SLC24A2: variants seen among roughly 807,000 people sequenced by gnomAD.
The protein encoded by SLC24A2 is solute carrier family 24 member 2.
Under a neutral mutation model 62.0 loss-of-function variants are expected in SLC24A2, and 36 were observed. The ratio of observed to expected loss-of-function variants is 0.58; its 90% confidence interval spans 0.44 to 0.77. SLC24A2 has a LOEUF of 0.77. Among genes scored for constraint, SLC24A2 ranks in the 30% least tolerant of loss-of-function variants. The pLI is 0.00. For missense variants in SLC24A2, 846 were observed against 817.9 expected, an observed-to-expected ratio of 1.03 and a Z score of -0.42; for synonymous variants, 358 against 294.0, an observed-to-expected ratio of 1.22 and a Z score of -2.23.
the SLC24A2 span, among the ~76,000 whole-genome samples, chr9:20,265,746 G>A: frequency 7.5e-4 from 106 of 141,010 alleles, no homozygotes; most frequent in African/African-American, 2.7e-3. Context: ...TCTGGCCGCC[G>A]GTGAGCCAGG....
the SLC24A2 span, among the ~76,000 whole-genome samples, chr9:20,071,837 G>A: frequency 6.6e-6 from 1 of 152,058 alleles, no homozygotes; most frequent in African/African-American, 2.4e-5. Flanking sequence ...TCAAGTTGGG[G>A]TTCCTACAAC....
Position 19,599,394 on chromosome 9 carries a change from A to C in SLC24A2, c.1079-2115T>G, listed in dbSNP as rs1836786719. 6.6e-6 allele frequency among the ~76,000 whole-genome samples: 1 copy of C among 152,206 alleles called. No homozygotes were observed. The highest frequency in any genetic ancestry group is 2.1e-4 in the South Asian group (1 of 4,830). On this transcript the variant is annotated intron_variant, in intron 4 of 10. Coordinates refer to ENST00000341998, the MANE Select transcript of SLC24A2 (RefSeq NM_020344.4). The surrounding 1 kb of genome is among the most constrained non-coding windows in gnomAD (Gnocchi z 4.5). ...CTAATGATGGTGGAAGAGAAGGAAG[A>C]AGAGTAGTGAAAAGCTGAATAACAG...
chr9:19,514,947 A>ATG lies in SLC24A2; in HGVS notation c.*1204_*1205dup, dbSNP rs1832867978. ...ATTTCTTCAGACACTAAAGCCCTTT[A>ATG]TGACTACACTGGAAAACGTTTTAAA... On this transcript the variant is annotated 3_prime_UTR_variant, in exon 11 of 11. Transcript: ENST00000341998. 2 of 152,206 alleles carry ATG rather than the reference A, an allele frequency of 1.3e-5. No homozygotes were observed. The highest frequency in any genetic ancestry group is 4.8e-5 in the African/African-American group (2 of 41,446). The allele number at this position is 152,206 out of a possible 1,614,324, so 9.4% of individuals were successfully genotyped here.
At chr9:19,958,039 G>T in the SLC24A2 span, 1 of 152,462 alleles carries the variant, frequency 6.6e-6, no homozygotes, top group Non-Finnish European at 1.5e-5. Context: ...TAGGATCATG[G>T]TAGGGGGGAC....
chr9:19,852,834 GT>G, the SLC24A2 span, among the ~76,000 whole-genome samples: 87,366 of 151,812 alleles, frequency 0.58, 25,794 homozygotes, highest in Non-Finnish European at 0.64. Flanking sequence ...TTTTAAAATA[GT>G]TTTTTTTCTA....
intron 9 of SLC24A2, among the ~76,000 whole-genome samples, chr9:19,523,046 C>A (rs1016158845): frequency 6.6e-6 from 1 of 152,146 alleles, no homozygotes; most frequent in African/African-American, 2.4e-5. Flanking sequence ...TTGCTGGGCA[C>A]AATGCCATGC....
chr9:19,619,342 G>A (rs905431658), intron 4 of SLC24A2, among the ~76,000 whole-genome samples: 17 of 152,144 alleles, frequency 1.1e-4, no homozygotes, highest in African/African-American at 4.1e-4. Context: ...TATGCTGGAG[G>A]CATCAAAAGA....
the SLC24A2 span, among the ~76,000 whole-genome samples, chr9:20,074,331 TTG>T: frequency 2.0e-5 from 3 of 152,022 alleles, no homozygotes; most frequent in Non-Finnish European, 4.4e-5. Flanking sequence ...TCTCATTGCT[TTG>T]TGTGTGTGCC....
chr9:20,079,421 A>C, the SLC24A2 span, among the ~76,000 whole-genome samples: 1 of 148,392 alleles, frequency 6.7e-6, no homozygotes, highest in Non-Finnish European at 1.5e-5. Flanking sequence ...GTGCAAATAT[A>C]AACATACATA....
At chr9:19,989,922 T>C in the SLC24A2 span, among the ~76,000 whole-genome samples, 455 of 152,156 alleles carry the variant, frequency 3.0e-3, 4 homozygotes, top group African/African-American at 0.01. Flanking sequence ...CACAAAATCA[T>C]AGAGACAGGT....
chr9:20,153,740 A>T, the SLC24A2 span, among the ~76,000 whole-genome samples: 95 of 151,476 alleles, frequency 6.3e-4, no homozygotes, highest in Non-Finnish European at 5.0e-4. Context: ...ACAAATTCCT[A>T]CTGAAACCTA....
chr9:19,994,263 A>G, the SLC24A2 span, among the ~76,000 whole-genome samples: 4 of 152,338 alleles, frequency 2.6e-5, no homozygotes, highest in African/African-American at 7.2e-5. Flanking sequence ...TTTTAAGGCA[A>G]TAACAAACTG....
chr9:19,519,005 G>A (rs1339385620), intron 10 of SLC24A2, among the ~76,000 whole-genome samples: 1 of 152,048 alleles, frequency 6.6e-6, no homozygotes, highest in Non-Finnish European at 1.5e-5. Flanking sequence ...AGGTTTTTCT[G>A]CATAAAGATG....
the SLC24A2 span, among the ~76,000 whole-genome samples, chr9:20,054,051 T>G: frequency 6.6e-6 from 1 of 152,202 alleles, no homozygotes; most frequent in Admixed American, 6.5e-5. Flanking sequence ...CTGTGTCAGT[T>G]TGATAGGGGT....
At chr9:20,181,007 C>T in the SLC24A2 span, among the ~76,000 whole-genome samples, 1 of 152,082 alleles carries the variant, frequency 6.6e-6, no homozygotes, top group Non-Finnish European at 1.5e-5. Flanking sequence ...ATGAGCCCCT[C>T]CTGCCACCTT....
At chr9:19,823,669 G>A in the SLC24A2 span, among the ~76,000 whole-genome samples, 60 of 150,426 alleles carry the variant, frequency 4.0e-4, no homozygotes, top group African/African-American at 7.5e-4. Flanking sequence ...CACATCAGAC[G>A]AGATCAGGAG....
At chr9:20,079,762 A>G in the SLC24A2 span, among the ~76,000 whole-genome samples, 1 of 152,142 alleles carries the variant, frequency 6.6e-6, no homozygotes, top group Non-Finnish European at 1.5e-5. Context: ...AATGCTTGTG[A>G]TTTTTGCACA....
At chr9:20,113,855 C>T in the SLC24A2 span, among the ~76,000 whole-genome samples, 1 of 152,122 alleles carries the variant, frequency 6.6e-6, no homozygotes, top group Non-Finnish European at 1.5e-5. Flanking sequence ...ATTTACATTT[C>T]CACATAAAAC....
chr9:19,666,945 CT>C (rs1263046023), intron 2 of SLC24A2, among the ~76,000 whole-genome samples: 1 of 152,128 alleles, frequency 6.6e-6, no homozygotes, highest in Non-Finnish European at 1.5e-5. Flanking sequence ...AACAATAATT[CT>C]TACTTTTCTT....
Sources: allele counts gnomAD v4.1 joint callset (sites outside exome capture counted in the v4.1 genomes callset), GRCh38; gene constraint gnomAD v4.1.1; non-coding constraint Gnocchi (gnomAD v3.1); transcripts MANE v1.5; gene names NCBI Gene and HGNC (gene_info 2026-07-23, HGNC 2026-07-21).